CCNY: variants seen among roughly 807,000 people sequenced by gnomAD.
The protein encoded by CCNY is cyclin-Y.
Under a neutral mutation model 42.8 loss-of-function variants are expected in CCNY, and 19 were observed. That is an observed-to-expected ratio of 0.44 (90% CI 0.31 to 0.65). The LOEUF (loss-of-function observed/expected upper bound fraction) is 0.65, where lower values mean the gene tolerates loss of function less well. Among genes scored for constraint, CCNY ranks in the 30% least tolerant of loss-of-function variants. The pLI, the probability that CCNY is intolerant of heterozygous loss-of-function variation, is 0.07. For synonymous variants in CCNY, 165 were observed against 162.7 expected (o/e 1.01, Z -0.11); for missense variants, 370 against 437.3 (o/e 0.85, Z 1.37).
At chr10:35,383,881 T>C (rs1173566917) in intron 1 of CCNY, among the ~76,000 whole-genome samples, 1 of 152,136 alleles carries the variant, frequency 6.6e-6, no homozygotes, top group Admixed American at 6.5e-5. Flanking sequence ...CAGGTTTCTT[T>C]CCTGCACTAC....
intron 3 of CCNY, among the ~76,000 whole-genome samples, chr10:35,509,585 T>G (rs1277094987): frequency 1.3e-5 from 2 of 152,200 alleles, no homozygotes; most frequent in Non-Finnish European, 2.9e-5. Flanking sequence ...CTGTACCTTC[T>G]TTTTCTTTCT....
In CCNY at chr10:35,342,361, A is replaced by G. The variant is rs534457293; in HGVS notation, c.154+5154A>G. ...CTTTCTTTCCAGGCTAAGACTTATC[A>G]GCCCTGCTGTCTGCAAGGTATGTGG... On this transcript the variant is annotated intron_variant, in intron 1 of 9. Transcript: ENST00000374704. Among the ~76,000 whole-genome samples the G allele has an allele frequency of 2.6e-5, 4 of 152,346 alleles. No individual in the cohort carries two copies. In the South Asian group the frequency reaches 8.3e-4, roughly 32 times the overall value.
intron 3 of CCNY, among the ~76,000 whole-genome samples, chr10:35,276,279 GATAATTGTAC>G (rs1408068550): frequency 1.3e-5 from 2 of 152,154 alleles, no homozygotes; most frequent in African/African-American, 4.8e-5. Flanking sequence ...GTGTTCATTG[GATAATTGTAC>G]CTGCCTTGAT....
intron 1 of CCNY, among the ~76,000 whole-genome samples, chr10:35,461,896 G>A (rs545645901): frequency 6.6e-6 from 1 of 152,222 alleles, no homozygotes; most frequent in Admixed American, 6.5e-5. Flanking sequence ...ATACGTAAAT[G>A]CATAAATAAA....
chr10:35,366,619 C>G (rs79080530), intron 1 of CCNY, among the ~76,000 whole-genome samples: 1 of 152,336 alleles, frequency 6.6e-6, no homozygotes, highest in Non-Finnish European at 1.5e-5. Flanking sequence ...TGTGGACATT[C>G]AGCTGGACAT....
chr10:35,526,083 A>G (rs1840646545), intron 5 of CCNY, 84 bp downstream of exon 5: 5 of 1,186,186 alleles, frequency 4.2e-6, no homozygotes, highest in Non-Finnish European at 6.1e-6. Flanking sequence ...AGTTGCTTAA[A>G]CCTTTGAATT....
rs1841705449 is a variant in CCNY at position 35,572,411 on chromosome 10, C to T, written c.*3241C>T. 1.3e-5 allele frequency: 2 copies of T among 151,986 alleles called. No homozygotes were observed. Among genetic ancestry groups the T allele is most frequent in the South Asian group, 4.1e-4 (2 of 4,824 alleles). 9.4% of individuals were successfully genotyped at this position (151,986 alleles called of 1,614,324 possible). ...AATTCTGCCTCAGCCTCCCGAGTAGCTAGGATCACAGGCACCCACCACCAT... is the reference window on the plus strand; with the variant it reads ...AATTCTGCCTCAGCCTCCCGAGTAGTTAGGATCACAGGCACCCACCACCAT... On this transcript the variant is annotated 3_prime_UTR_variant, in exon 10 of 10. Coordinates refer to ENST00000374704, the MANE Select transcript of CCNY (RefSeq NM_145012.6).
chr10:35,292,683 C>T (rs576034769), intron 3 of CCNY, among the ~76,000 whole-genome samples: 46 of 151,248 alleles, frequency 3.0e-4, no homozygotes, highest in African/African-American at 9.9e-4. Flanking sequence ...ATTTTTATGG[C>T]GTCCAGTTTA....
At chr10:35,454,969 C>G (rs1838997496) in intron 1 of CCNY, among the ~76,000 whole-genome samples, 1 of 152,216 alleles carries the variant, frequency 6.6e-6, no homozygotes, top group South Asian at 2.1e-4. Context: ...AAAACCTTCC[C>G]TGAATGCAGT....
chr10:35,519,142 A>G (rs952735865), intron 4 of CCNY, among the ~76,000 whole-genome samples: 1 of 151,606 alleles, frequency 6.6e-6, no homozygotes, highest in African/African-American at 2.4e-5. Context: ...TCTTGATTGA[A>G]TTTGGCTGAG....
At chr10:35,312,637 G>A (rs899945228) in intron 3 of CCNY, among the ~76,000 whole-genome samples, 4 of 151,826 alleles carry the variant, frequency 2.6e-5, no homozygotes, top group African/African-American at 9.7e-5. Context: ...ATCTCATCCT[G>A]GGGTATGTGC....
chr10:35,493,637 C>T (rs2135381391), intron 2 of CCNY, among the ~76,000 whole-genome samples: 2 of 152,324 alleles, frequency 1.3e-5, no homozygotes, highest in South Asian at 4.2e-4. Flanking sequence ...CCTCTGGAAT[C>T]AGACTGCCTG....
At chr10:35,344,561 A>G (rs1836257457) in intron 1 of CCNY, among the ~76,000 whole-genome samples, 1 of 152,060 alleles carries the variant, frequency 6.6e-6, no homozygotes, top group Non-Finnish European at 1.5e-5. Flanking sequence ...TTCAGTTGGT[A>G]TACTTTATTT....
At chr10:35,282,720 C>CAAAA (rs71033390) in intron 3 of CCNY, among the ~76,000 whole-genome samples, 8 of 88,228 alleles carry the variant, frequency 9.1e-5, no homozygotes, top group South Asian at 3.5e-4. Flanking sequence ...GAGACTGTCT[C>CAAAA]AAAAAAAAAA....
At chr10:35,384,385 G>C (rs550612230) in intron 1 of CCNY, among the ~76,000 whole-genome samples, 1 of 152,254 alleles carries the variant, frequency 6.6e-6, no homozygotes, top group Non-Finnish European at 1.5e-5. Flanking sequence ...AGTCAGTTAC[G>C]TATTCCTCTG....
chr10:35,362,294 A>G (rs1836703388), intron 1 of CCNY, among the ~76,000 whole-genome samples: 1 of 152,176 alleles, frequency 6.6e-6, no homozygotes, highest in Admixed American at 6.5e-5. Flanking sequence ...AAGATGTGCA[A>G]GGTGGAACAG....
chr10:35,274,835 G>A (rs1308090196), intron 3 of CCNY, among the ~76,000 whole-genome samples: 7 of 152,144 alleles, frequency 4.6e-5, no homozygotes, highest in Non-Finnish European at 7.4e-5. Context: ...GTGCTAATGC[G>A]CTGTAGTAAA....
At chr10:35,281,074 A>G (rs560585840) in intron 3 of CCNY, among the ~76,000 whole-genome samples, 2 of 152,330 alleles carry the variant, frequency 1.3e-5, no homozygotes, top group South Asian at 2.1e-4. Flanking sequence ...TGGCATGGCT[A>G]TAATGAAGAC....
intron 1 of CCNY, among the ~76,000 whole-genome samples, chr10:35,462,764 C>G (rs1254720839): frequency 1.3e-5 from 2 of 152,230 alleles, no homozygotes; most frequent in African/African-American, 2.4e-5. Flanking sequence ...CCTCTACCCA[C>G]AGCCTGCACA....
Sources: allele counts gnomAD v4.1 joint callset (sites outside exome capture counted in the v4.1 genomes callset), GRCh38; gene constraint gnomAD v4.1.1; transcripts MANE v1.5; gene names NCBI Gene and HGNC (gene_info 2026-07-23, HGNC 2026-07-21).